The following CNTNAP4 variants were observed in gnomAD, a reference collection of about 807,000 sequenced individuals.
The protein encoded by CNTNAP4 is contactin-associated protein-like 4.
CNTNAP4 carries 98 observed loss-of-function variants against 148.4 expected under a neutral mutation model. The observed-to-expected ratio is 0.66, with a 90% CI of 0.56 to 0.78. The LOEUF (loss-of-function observed/expected upper bound fraction) is 0.78. Ranked by LOEUF, CNTNAP4 falls within the 30% of genes least tolerant of loss-of-function variation. CNTNAP4 has a pLI of 0.00. For missense variants in CNTNAP4, 1,935 were observed against 1,565.6 expected (o/e 1.24, Z -3.98); for synonymous variants, 730 against 565.1 (o/e 1.29, Z -4.14).
intron 3 of CNTNAP4, among the ~76,000 whole-genome samples, chr16:76,423,110 G>A (rs891602698): frequency 4.6e-5 from 7 of 152,138 alleles, no homozygotes; most frequent in African/African-American, 1.7e-4. Context: ...ACCAGACACC[G>A]AATCTGCTGG....
At chr16:76,305,133 T>C (rs1423176699) in intron 1 of CNTNAP4, among the ~76,000 whole-genome samples, 2 of 152,184 alleles carry the variant, frequency 1.3e-5, no homozygotes, top group East Asian at 1.9e-4. Context: ...GCACGTTTAG[T>C]TTTACAAGAA....
chr16:76,539,890 G>T (rs188295314), intron 20 of CNTNAP4, 38 bp downstream of exon 20: 1 of 1,484,236 alleles, frequency 6.7e-7, no homozygotes, highest in South Asian at 1.3e-5. Flanking sequence ...TCATTTTAAT[G>T]ACTCTCCAGC....
chr16:76,349,872 G>A (rs577420032), intron 2 of CNTNAP4, among the ~76,000 whole-genome samples: 11 of 151,926 alleles, frequency 7.2e-5, no homozygotes, highest in African/African-American at 2.4e-4. Flanking sequence ...AAGTTGATAC[G>A]TCGCCTTTAC....
intron 15 of CNTNAP4, among the ~76,000 whole-genome samples, chr16:76,501,070 G>C (rs902557500): frequency 6.6e-6 from 1 of 152,092 alleles, no homozygotes; most frequent in Non-Finnish European, 1.5e-5. Flanking sequence ...GATGATACTG[G>C]CCTTAAAAAT....
intron 3 of CNTNAP4, among the ~76,000 whole-genome samples, chr16:76,396,055 T>C (rs1258221612): frequency 6.6e-6 from 1 of 152,048 alleles, no homozygotes; most frequent in Admixed American, 6.6e-5. Context: ...ACCTGAACAG[T>C]GGTGAAAAAT....
chr16:76,424,231 A>G (rs1401143278), intron 3 of CNTNAP4, among the ~76,000 whole-genome samples: 1 of 152,138 alleles, frequency 6.6e-6, no homozygotes. Flanking sequence ...CTTTTCTCCC[A>G]GTCCCTTAAG....
intron 3 of CNTNAP4, 38 bp from the exon 4 acceptor site, chr16:76,427,414 C>G (rs770557037): frequency 1.8e-5 from 28 of 1,572,578 alleles, no homozygotes; most frequent in Non-Finnish European, 2.3e-5. Context: ...TGGATGTTCT[C>G]CAGATACATT....
chr16:76,361,063 TCCG>T (rs2013374605), intron 3 of CNTNAP4, among the ~76,000 whole-genome samples: 1 of 151,950 alleles, frequency 6.6e-6, no homozygotes, highest in East Asian at 1.9e-4. Flanking sequence ...GACCTCGTGG[TCCG>T]CCTGCCTCAA....
intron 8 of CNTNAP4, among the ~76,000 whole-genome samples, chr16:76,461,546 T>C (rs2080962221): frequency 6.6e-6 from 1 of 152,230 alleles, no homozygotes; most frequent in African/African-American, 2.4e-5. Context: ...ATTGATGGTA[T>C]AGTTTGCTAA....
At chr16:76,316,918 C>T (rs1961820007) in intron 2 of CNTNAP4, among the ~76,000 whole-genome samples, 1 of 152,074 alleles carries the variant, frequency 6.6e-6, no homozygotes, top group Admixed American at 6.6e-5. Context: ...ATGTGGTTGA[C>T]ATGATTTTCT....
At chr16:76,463,217 A>G (rs1445012383) in intron 9 of CNTNAP4, among the ~76,000 whole-genome samples, 1 of 152,248 alleles carries the variant, frequency 6.6e-6, no homozygotes, top group African/African-American at 2.4e-5. Flanking sequence ...AGTAAGATAT[A>G]TAGAACAACT....
At chr16:76,402,936 C>A (rs1457576796) in intron 3 of CNTNAP4, among the ~76,000 whole-genome samples, 3 of 151,994 alleles carry the variant, frequency 2.0e-5, no homozygotes, top group Non-Finnish European at 4.4e-5. Context: ...TTTGCATTTG[C>A]TGAAGATTGT....
At chr16:76,445,117 G>C (rs1014736046) in intron 4 of CNTNAP4, among the ~76,000 whole-genome samples, 1 of 152,142 alleles carries the variant, frequency 6.6e-6, no homozygotes, top group African/African-American at 2.4e-5. Context: ...TGTTCCAAGA[G>C]TAATCCTAGT....
chr16:76,366,647 C>T (rs2014169369), intron 3 of CNTNAP4, among the ~76,000 whole-genome samples: 1 of 152,068 alleles, frequency 6.6e-6, no homozygotes, highest in Non-Finnish European at 1.5e-5. Context: ...TGGGTATGTA[C>T]TCAGTAGTGG....
intron 3 of CNTNAP4, among the ~76,000 whole-genome samples, chr16:76,414,135 C>T (rs1455862633): frequency 1.3e-5 from 2 of 151,336 alleles, no homozygotes; most frequent in African/African-American, 4.8e-5. Context: ...CATTCTCAAA[C>T]ACAAAGCAGC....
intron 3 of CNTNAP4, among the ~76,000 whole-genome samples, chr16:76,370,555 G>A (rs1388074803): frequency 3.9e-5 from 6 of 152,148 alleles, no homozygotes; most frequent in African/African-American, 9.7e-5. Flanking sequence ...CCAGCTGGAA[G>A]CTCCTTAATA....
chr16:76,406,094 T>G (rs752779590), intron 3 of CNTNAP4, among the ~76,000 whole-genome samples: 1 of 152,124 alleles, frequency 6.6e-6, no homozygotes, highest in Admixed American at 6.6e-5. Context: ...TGTGGTGGCT[T>G]ACGCCTGTAG....
intron 3 of CNTNAP4, among the ~76,000 whole-genome samples, chr16:76,360,443 T>A (rs1309914700): frequency 2.6e-5 from 4 of 152,198 alleles, no homozygotes; most frequent in Non-Finnish European, 2.9e-5. Flanking sequence ...ATATAAGCTG[T>A]AGGGTAGGTG....
intron 8 of CNTNAP4, among the ~76,000 whole-genome samples, chr16:76,458,503 A>C (rs919442601): frequency 2.0e-5 from 3 of 152,018 alleles, no homozygotes; most frequent in African/African-American, 7.3e-5. Context: ...AACTAGATTG[A>C]CCCATCTGGG....
Sources: gnomAD v4.1 joint callset for allele counts (sites outside exome capture counted in the v4.1 genomes callset) on GRCh38, gnomAD v4.1.1 for gene constraint, MANE v1.5 for transcripts, NCBI Gene and HGNC (gene_info 2026-07-23, HGNC 2026-07-21) for gene names.